TNR: variants seen among roughly 807,000 people sequenced by gnomAD.
The protein encoded by TNR is tenascin R.
In TNR, 45 loss-of-function variants were observed where a neutral mutation model predicts 150.4. The ratio of observed to expected loss-of-function variants is 0.30; its 90% confidence interval spans 0.24 to 0.38. The LOEUF (loss-of-function observed/expected upper bound fraction) is 0.38, where lower values mean the gene tolerates loss of function less well. Ranked by LOEUF, TNR falls within the 10% of genes least tolerant of loss-of-function variation. The pLI, the probability that TNR is intolerant of heterozygous loss-of-function variation, is 1.00. For synonymous variants in TNR, 687 were observed against 678.4 expected (o/e 1.01, Z -0.20); for missense variants, 1,544 against 1,759.1 (o/e 0.88, Z 2.19).
chr1:175,656,141 AGTGTGTGT>A lies in TNR; in HGVS notation c.-165+87077_-165+87084del, dbSNP rs575020723. Among the ~76,000 whole-genome samples, 461 of 123,936 alleles carry A rather than the reference AGTGTGTGT, an allele frequency of 3.7e-3. 2 individuals carry two copies. Among genetic ancestry groups the A allele is most frequent in the East Asian group, 0.013 (53 of 4,108 alleles). 81.3% of individuals were successfully genotyped at this position (123,936 alleles called of 152,430 possible). A position where few individuals can be genotyped will look rare whatever the true frequency, so the allele number is the denominator to read the frequency against. ...AGGGGAAGACGGGGAGGAAGGTTGA[AGTGTGTGT>A]GTGTGTGTGTGTGTGTGTGTGTGTG... On this transcript the variant is annotated intron_variant, in intron 1 of 22. Coordinates refer to ENST00000367674, the MANE Select transcript of TNR (RefSeq NM_003285.3).
Position 175,315,486 on chromosome 1 carries a change from T to C in TNR, c.*7871A>G, listed in dbSNP as rs1450377031. The C allele has an allele frequency of 2.0e-5, 3 of 152,232 alleles. No homozygotes were observed. Among genetic ancestry groups the C allele is most frequent in the Non-Finnish European group, 2.9e-5 (2 of 68,044 alleles). 9.4% of individuals were successfully genotyped at this position (152,232 alleles called of 1,614,324 possible). ...AGTCTTTCTTTTAAGTAAGCGCTTT[T>C]TCAAGCTCATTGTAGCTACAAAGTC... On this transcript the variant is annotated 3_prime_UTR_variant, in exon 23 of 23. Coordinates refer to ENST00000367674, the MANE Select transcript of TNR (RefSeq NM_003285.3).
At chr1:175,394,743 T>A (rs1434463987) in intron 5 of TNR, among the ~76,000 whole-genome samples, 5 of 152,246 alleles carry the variant, frequency 3.3e-5, no homozygotes, top group African/African-American at 4.8e-5. Context: ...AGAGTTCTCA[T>A]GCTTCTTGGT....
chr1:175,717,931 A>G (rs892026913), intron 1 of TNR, among the ~76,000 whole-genome samples: 1 of 152,146 alleles, frequency 6.6e-6, no homozygotes, highest in Non-Finnish European at 1.5e-5. Flanking sequence ...TCCCCCAGCA[A>G]GTGCTCTCAG....
At chr1:175,591,690 C>T (rs1662804178) in intron 1 of TNR, among the ~76,000 whole-genome samples, 1 of 152,192 alleles carries the variant, frequency 6.6e-6, no homozygotes. Flanking sequence ...TTGGTTTTCC[C>T]ACCTATTACA....
chr1:175,592,532 G>A (rs1383345249), intron 1 of TNR, among the ~76,000 whole-genome samples: 2 of 152,232 alleles, frequency 1.3e-5, no homozygotes, highest in African/African-American at 4.8e-5. Flanking sequence ...TCACTTTTCC[G>A]GCTGGTGCTG....
chr1:175,506,633 C>G (rs1361801890), intron 2 of TNR, among the ~76,000 whole-genome samples: 1 of 152,182 alleles, frequency 6.6e-6, no homozygotes, highest in Non-Finnish European at 1.5e-5. Context: ...AGAGAGAGGC[C>G]TCAGAGGAAA....
intron 1 of TNR, among the ~76,000 whole-genome samples, chr1:175,594,037 C>T (rs1298122908): frequency 1.3e-5 from 2 of 152,230 alleles, no homozygotes; most frequent in Non-Finnish European, 2.9e-5. Flanking sequence ...TCTCCCCTCC[C>T]TGTTACTTTA....
intron 2 of TNR, among the ~76,000 whole-genome samples, chr1:175,454,760 C>A (rs1322924408): frequency 6.6e-6 from 1 of 152,210 alleles, no homozygotes; most frequent in Admixed American, 6.5e-5. Flanking sequence ...GTGTGAGCCA[C>A]CATGCCGGTC....
At chr1:175,559,141 A>C (rs891179021) in intron 1 of TNR, among the ~76,000 whole-genome samples, 6 of 152,198 alleles carry the variant, frequency 3.9e-5, no homozygotes, top group Admixed American at 1.3e-4. Flanking sequence ...AATGAACAAA[A>C]ATTCTTCTAT....
chr1:175,711,908 T>C (rs1192132305), intron 1 of TNR, among the ~76,000 whole-genome samples: 1 of 152,168 alleles, frequency 6.6e-6, no homozygotes, highest in Non-Finnish European at 1.5e-5. Context: ...TTGCTAAATG[T>C]GTGATGTACA....
intron 1 of TNR, among the ~76,000 whole-genome samples, chr1:175,551,748 G>A (rs563038959): frequency 7.9e-5 from 12 of 152,314 alleles, no homozygotes; most frequent in Middle Eastern, 3.4e-3. Flanking sequence ...CATTGGTCTC[G>A]ACACTGCTTT....
intron 2 of TNR, among the ~76,000 whole-genome samples, chr1:175,429,332 T>C (rs772664544): frequency 1.3e-5 from 2 of 152,158 alleles, no homozygotes; most frequent in African/African-American, 2.4e-5. Flanking sequence ...AGATTATAAA[T>C]ATAGATAAAT....
chr1:175,435,985 C>T (rs1043080995), intron 2 of TNR, among the ~76,000 whole-genome samples: 7 of 152,184 alleles, frequency 4.6e-5, no homozygotes, highest in African/African-American at 1.7e-4. Context: ...TTCTGGCTTG[C>T]AGAGTTTCTG....
intron 1 of TNR, among the ~76,000 whole-genome samples, chr1:175,630,526 C>T (rs1203237283): frequency 6.6e-6 from 1 of 152,204 alleles, no homozygotes; most frequent in African/African-American, 2.4e-5. Context: ...TGCAAGGGTT[C>T]AGGATGTGAC....
At chr1:175,509,514 A>G (rs939686210) in intron 2 of TNR, among the ~76,000 whole-genome samples, 2 of 152,194 alleles carry the variant, frequency 1.3e-5, no homozygotes, top group Non-Finnish European at 2.9e-5. Context: ...GGGCACCTAA[A>G]GAACTTCTCC....
At chr1:175,540,585 A>G (rs935123555) in intron 1 of TNR, among the ~76,000 whole-genome samples, 2 of 152,184 alleles carry the variant, frequency 1.3e-5, no homozygotes, top group African/African-American at 4.8e-5. Context: ...CTTTGGGAGC[A>G]GACAAGTACC....
chr1:175,631,401 C>A (rs937722607), intron 1 of TNR, among the ~76,000 whole-genome samples: 1 of 152,208 alleles, frequency 6.6e-6, no homozygotes, highest in Non-Finnish European at 1.5e-5. Flanking sequence ...CAATCCTTGG[C>A]CCACATGGCC....
At chr1:175,616,547 C>T (rs1663782691) in intron 1 of TNR, among the ~76,000 whole-genome samples, 1 of 152,114 alleles carries the variant, frequency 6.6e-6, no homozygotes, top group African/African-American at 2.4e-5. Flanking sequence ...GCAGAGGAAA[C>T]AAAATCTCTT....
At chr1:175,630,315 A>C (rs1664286346) in intron 1 of TNR, among the ~76,000 whole-genome samples, 1 of 152,254 alleles carries the variant, frequency 6.6e-6, no homozygotes, top group South Asian at 2.1e-4. Context: ...GCTACAGATA[A>C]GTAAAGTCTT....
Sources: allele counts gnomAD v4.1 joint callset (sites outside exome capture counted in the v4.1 genomes callset), GRCh38; gene constraint gnomAD v4.1.1; transcripts MANE v1.5; gene names NCBI Gene and HGNC (gene_info 2026-07-23, HGNC 2026-07-21).